Variants in SYT14 observed in about 807,000 individuals in gnomAD.
SYT14 encodes synaptotagmin-14.
In SYT14, 32 loss-of-function variants were observed where a neutral mutation model predicts 74.2. That is an observed-to-expected ratio of 0.43 (90% confidence interval 0.33 to 0.58). The LOEUF is 0.58. Ranked by LOEUF, SYT14 falls within the 20% of genes least tolerant of loss-of-function variation. The pLI, the probability that SYT14 is intolerant of heterozygous loss-of-function variation, is 0.05. For synonymous variants in SYT14, 298 were observed against 337.7 expected, an observed-to-expected ratio of 0.88 and a Z score of 1.29; for missense variants, 791 against 981.8, an observed-to-expected ratio of 0.81 and a Z score of 2.60.
At position 210,160,137 on chromosome 1, in the gene SYT14, G is replaced by A. The variant is rs549827706; in HGVS notation, c.2282-592G>A. Reference sequence around the variant, plus strand: ...CTTTAATGCATTTGGCTTCATTTTTGCCCTTAAATGTTTTTAAAGTATATT... The same window carrying A: ...CTTTAATGCATTTGGCTTCATTTTTACCCTTAAATGTTTTTAAAGTATATT... On this transcript the variant is annotated intron_variant, in intron 9 of 9. Coordinates refer to ENST00000637265, the Ensembl canonical transcript of SYT14. Among the ~76,000 whole-genome samples, 8 of 152,154 alleles carry A rather than the reference G, an allele frequency of 5.3e-5. No individual in the cohort carries two copies. The East Asian group carries it at 1.4e-3, about 26-fold the overall frequency.
At chr1:210,082,290 C>A (rs915058339) in intron 5 of SYT14, among the ~76,000 whole-genome samples, 5 of 152,254 alleles carry the variant, frequency 3.3e-5, no homozygotes, top group African/African-American at 9.6e-5. Flanking sequence ...GTCCATACAT[C>A]GAGCCAAACC....
intron 2 of SYT14, 73 bp from the exon 3 acceptor site, chr1:210,013,560 G>T (rs908298322): frequency 4.3e-6 from 6 of 1,395,212 alleles, no homozygotes; most frequent in Non-Finnish European, 6.0e-6. Context: ...CTAACTTAAT[G>T]TTTGGGGTTT....
chr1:210,110,735 A>G (rs1286453265), intron 7 of SYT14, among the ~76,000 whole-genome samples: 1 of 152,174 alleles, frequency 6.6e-6, no homozygotes, highest in Non-Finnish European at 1.5e-5. Flanking sequence ...CTTTATAGAA[A>G]TATATTAGAT....
chr1:210,108,703 G>T (rs1215994747), intron 7 of SYT14, among the ~76,000 whole-genome samples: 4 of 152,130 alleles, frequency 2.6e-5, no homozygotes, highest in African/African-American at 9.7e-5. Context: ...AGGCAAAAGT[G>T]TTAGAGTATT....
At chr1:210,135,764 CT>C (rs1389163667) in intron 7 of SYT14, among the ~76,000 whole-genome samples, 1 of 152,116 alleles carries the variant, frequency 6.6e-6, no homozygotes, top group Non-Finnish European at 1.5e-5. Context: ...CATTTTGATC[CT>C]TTTGAGGCTT....
intron 2 of SYT14, among the ~76,000 whole-genome samples, chr1:209,962,263 C>CT (rs957115472): frequency 6.6e-6 from 1 of 150,544 alleles, no homozygotes; most frequent in Non-Finnish European, 1.5e-5. Context: ...GCGTAGATAT[C>CT]TTTTTTTTAT....
At chr1:209,948,317 T>C (rs574919909) in intron 1 of SYT14, among the ~76,000 whole-genome samples, 8 of 152,396 alleles carry the variant, frequency 5.2e-5, no homozygotes, top group African/African-American at 9.6e-5. Flanking sequence ...GTCACACTTA[T>C]GTGTATATTC....
At chr1:210,110,453 G>A (rs926660600) in intron 7 of SYT14, among the ~76,000 whole-genome samples, 3 of 152,150 alleles carry the variant, frequency 2.0e-5, no homozygotes, top group African/African-American at 7.2e-5. Context: ...AGAAACAGCA[G>A]AGAACTTTGC....
At chr1:209,955,759 A>G (rs2078982600) in intron 2 of SYT14, among the ~76,000 whole-genome samples, 1 of 152,190 alleles carries the variant, frequency 6.6e-6, no homozygotes. Flanking sequence ...TCATCTGAAT[A>G]TCATCAGTTC....
chr1:210,135,411 AT>A (rs35571381), intron 7 of SYT14, among the ~76,000 whole-genome samples: 6 of 151,866 alleles, frequency 4.0e-5, no homozygotes, highest in Non-Finnish European at 5.9e-5. Context: ...TCTCAGATAG[AT>A]TTTTCAGCCT....
intron 5 of SYT14, among the ~76,000 whole-genome samples, chr1:210,051,281 C>T (rs2080989785): frequency 6.6e-6 from 1 of 152,078 alleles, no homozygotes; most frequent in Admixed American, 6.6e-5. Context: ...AATGTTTGTC[C>T]TCAGAATATA....
chr1:210,160,489 A>G lies in SYT14; in HGVS notation c.2282-240A>G, dbSNP rs181436963. On this transcript the variant is annotated intron_variant, in intron 9 of 9. Coordinates refer to ENST00000637265, the Ensembl canonical transcript of SYT14. The stretch of plus-strand genomic sequence containing the variant: ...TATACCTTTAAATTCTAACTATTAC[A>G]TAGAAATAGTAAGGTTAAGATATTA... Among the ~76,000 whole-genome samples the G allele has an allele frequency of 5.3e-3, 805 of 152,258 alleles. 2 individuals are homozygous for G. Among genetic ancestry groups the G allele is most frequent in the Middle Eastern group, 0.01 (3 of 294 alleles).
chr1:210,151,317 A>T (rs1318874767), intron 7 of SYT14, among the ~76,000 whole-genome samples: 1 of 152,128 alleles, frequency 6.6e-6, no homozygotes, highest in Non-Finnish European at 1.5e-5. Flanking sequence ...TATACACTGA[A>T]TGGAGCAGCA....
At chr1:210,041,165 G>A (rs2080781190) in intron 5 of SYT14, among the ~76,000 whole-genome samples, 1 of 152,196 alleles carries the variant, frequency 6.6e-6, no homozygotes, top group Non-Finnish European at 1.5e-5. Context: ...TGTCTCCTCT[G>A]ATGTTGGGAA....
chr1:210,161,225 A>G, exon 10 of SYT14: 1 of 714,030 alleles, frequency 1.4e-6, no homozygotes. Flanking sequence ...AAATATGTGT[A>G]TCTAGTAGAG....
chr1:210,119,272 C>A (rs967040016), intron 7 of SYT14, among the ~76,000 whole-genome samples: 12 of 152,076 alleles, frequency 7.9e-5, no homozygotes, highest in Admixed American at 2.0e-4. Flanking sequence ...TCCATTTAGG[C>A]AGATGGTGAG....
At chr1:210,000,466 G>GCGCGCACACACACACA (rs1553264180) in intron 2 of SYT14, among the ~76,000 whole-genome samples, 4 of 143,102 alleles carry the variant, frequency 2.8e-5, no homozygotes, top group African/African-American at 7.9e-5. Flanking sequence ...GTCCTCATAC[G>GCGCGCACACACACACA]CACACACACA....
At chr1:210,145,946 A>G (rs2083023923) in intron 7 of SYT14, among the ~76,000 whole-genome samples, 1 of 152,194 alleles carries the variant, frequency 6.6e-6, no homozygotes, top group African/African-American at 2.4e-5. Context: ...ATTCCCTAGT[A>G]CAGTGCTTGT....
intron 7 of SYT14, among the ~76,000 whole-genome samples, chr1:210,128,964 C>T (rs1486523992): frequency 6.6e-6 from 1 of 152,050 alleles, no homozygotes; most frequent in East Asian, 1.9e-4. Flanking sequence ...TCTTTTACTG[C>T]CTTTGTTTTC....
Sources: gnomAD v4.1 joint callset for allele counts (sites outside exome capture counted in the v4.1 genomes callset) on GRCh38, gnomAD v4.1.1 for gene constraint, MANE v1.5 for transcripts, NCBI Gene and HGNC (gene_info 2026-07-23, HGNC 2026-07-21) for gene names.